The following DPP8 variants were observed in gnomAD, a reference collection of about 807,000 sequenced individuals.
The protein encoded by DPP8 is dipeptidyl peptidase 8.
A neutral mutation model predicts 107.5 loss-of-function variants in DPP8; 31 were observed. The observed-to-expected ratio is 0.29, with a 90% CI of 0.22 to 0.39. The LOEUF is 0.39. DPP8 is among the 10% of genes least tolerant of loss of function. The pLI, the probability that DPP8 is intolerant of heterozygous loss-of-function variation, is 1.00. For synonymous variants in DPP8, 381 were observed against 356.6 expected (o/e 1.07, Z -0.77); for missense variants, 842 against 1,076.1 (o/e 0.78, Z 3.04).
At chr15:65,511,699 C>A (rs1157649099) in intron 2 of DPP8, among the ~76,000 whole-genome samples, 3 of 149,688 alleles carry the variant, frequency 2.0e-5, no homozygotes, top group Non-Finnish European at 4.4e-5. Flanking sequence ...TCTTTAATAT[C>A]TCCATACACA....
At chr15:65,452,384 T>G (rs2064047257) in intron 17 of DPP8, among the ~76,000 whole-genome samples, 1 of 151,974 alleles carries the variant, frequency 6.6e-6, no homozygotes, top group Admixed American at 6.6e-5. Context: ...AAAAGACAAC[T>G]GAACTATATC....
At chr15:65,510,776 T>G (rs993368848) in intron 2 of DPP8, among the ~76,000 whole-genome samples, 1 of 152,184 alleles carries the variant, frequency 6.6e-6, no homozygotes, top group African/African-American at 2.4e-5. Flanking sequence ...TGACCTCAAG[T>G]GATCCGCCAG....
At chr15:65,470,335 G>T (rs1334578507) in intron 12 of DPP8, among the ~76,000 whole-genome samples, 1 of 152,000 alleles carries the variant, frequency 6.6e-6, no homozygotes, top group African/African-American at 2.4e-5. Context: ...GCTGGGCATG[G>T]TGGCTCACGC....
chr15:65,468,537 C>T (rs1461913643), intron 12 of DPP8, among the ~76,000 whole-genome samples: 2 of 151,296 alleles, frequency 1.3e-5, no homozygotes, highest in African/African-American at 2.4e-5. Context: ...GCAATGAAAA[C>T]ACATATAAAT....
Position 65,494,881 on chromosome 15 carries a change from G to C in DPP8, c.715+2983C>G, listed in dbSNP as rs150004565. On this transcript the variant is annotated intron_variant, in intron 5 of 19. Transcript: ENST00000300141. ...TTTAGGCCATATAACTTGGATAACT[G>C]CAACAGTCAAGCTTTGGTGTTCCTG... is the stretch of plus-strand genomic sequence containing the variant. Among the ~76,000 whole-genome samples, 9 of 152,134 alleles carry C rather than the reference G, an allele frequency of 5.9e-5. No homozygotes were observed. In the East Asian group the frequency reaches 1.2e-3, roughly 20 times the overall value.
At chr15:65,450,795 G>A (rs1277608035) in intron 19 of DPP8, 3 of 467,816 alleles carry the variant, frequency 6.4e-6, no homozygotes, top group African/African-American at 2.0e-5. Flanking sequence ...CATGTAATCT[G>A]ATAGGCAGGT....
chr15:65,502,249 GTTAC>G (rs2069327620), intron 3 of DPP8, among the ~76,000 whole-genome samples: 1 of 150,360 alleles, frequency 6.7e-6, no homozygotes, highest in African/African-American at 2.5e-5. Flanking sequence ...GTTACTGTCT[GTTAC>G]TTATTTAACT....
Position 65,448,889 on chromosome 15 carries a change from T to C in DPP8, c.2527-1883A>G, listed in dbSNP as rs1480207990. On this transcript the variant is annotated intron_variant, in intron 19 of 19. Coordinates refer to ENST00000300141, the MANE Select transcript of DPP8 (RefSeq NM_130434.5). ...AAATATATATATATATATATATATATATATATATATATATATATATATATA... is the reference window on the plus strand; with the variant it reads ...AAATATATATATATATATATATATACATATATATATATATATATATATATA... 8.7e-5 allele frequency among the ~76,000 whole-genome samples: 6 copies of C among 68,712 alleles called. 1 individual carries two copies. The highest frequency in any genetic ancestry group is 3.4e-4 in the African/African-American group (6 of 17,808). The allele number at this position is 68,712 out of a possible 152,430, so 45.1% of individuals were successfully genotyped here.
chr15:65,490,992 T>C (rs2067972643), intron 5 of DPP8, among the ~76,000 whole-genome samples: 1 of 151,872 alleles, frequency 6.6e-6, no homozygotes, highest in Non-Finnish European at 1.5e-5. Context: ...ACTCTGTCTC[T>C]ACTAAAAATA....
chr15:65,503,663 C>A (rs1316296787), intron 3 of DPP8, among the ~76,000 whole-genome samples: 1 of 151,970 alleles, frequency 6.6e-6, no homozygotes. Context: ...TGCTCTGTCA[C>A]TCAGGGTAGA....
rs1489862311 is a variant in DPP8, at chr15:65,446,758, T to C, written c.*126A>G. ...GACCCCTGCATGGCACCACATTTAT[T>C]TTCAGGAGTAGATGTTACATGGCAG... On this transcript the variant is annotated 3_prime_UTR_variant, in exon 20 of 20. Transcript: ENST00000300141. 2.1e-6 allele frequency: 2 copies of C among 970,642 alleles called. No individual in the cohort carries two copies. Among genetic ancestry groups the C allele is most frequent in the Non-Finnish European group, 1.5e-6 (1 of 684,660 alleles). The allele number at this position is 970,642 out of a possible 1,614,324, so 60.1% of individuals were successfully genotyped here.
intron 4 of DPP8, among the ~76,000 whole-genome samples, chr15:65,500,295 G>A (rs1187227838): frequency 6.6e-6 from 1 of 151,994 alleles, no homozygotes. Flanking sequence ...GCGCATGCCT[G>A]TAGTCCCAGC....
intron 5 of DPP8, among the ~76,000 whole-genome samples, chr15:65,497,270 T>C (rs1249180398): frequency 6.6e-6 from 1 of 152,154 alleles, no homozygotes; most frequent in East Asian, 1.9e-4. Flanking sequence ...AATGTATTTA[T>C]TTATTTATTT....
Position 65,463,828 on chromosome 15 carries a change from T to C in DPP8, c.1904A>G (p.Tyr635Cys), listed in dbSNP as rs1482370105. 1 of 1,611,068 alleles carries C rather than the reference T, an allele frequency of 6.2e-7. No individual in the cohort carries two copies. The highest frequency in any genetic ancestry group is 1.3e-5 in the African/African-American group (1 of 74,778). ...TCCAGGCTGTAGATCATGAGGCTTG[T>C]AGAGCATCCCATACAATGTAAATCC... Reference protein sequence around the residue: ...TTGFTLYGMLYKPHDLQPGKK... With the variant: ...TTGFTLYGMLCKPHDLQPGKK... Residue 635 changes from tyrosine to cysteine, a missense_variant, in exon 15 of 20, where the codon TAC becomes TGC. Physicochemically the swap from Tyr to Cys is radical, Grantham distance 194 (BLOSUM62 -2). This residue lies in a region of DPP8 where 179 missense variants were observed against 318.0 expected (regional missense o/e 0.56). Coordinates refer to ENST00000300141, the MANE Select transcript of DPP8 (RefSeq NM_130434.5).
At chr15:65,482,641 A>G (rs1350433357) in intron 8 of DPP8, among the ~76,000 whole-genome samples, 2 of 152,220 alleles carry the variant, frequency 1.3e-5, no homozygotes, top group Non-Finnish European at 2.9e-5. Context: ...AAAGTCTAGT[A>G]AACACAATTT....
chr15:65,511,704 TACACACATACATACACACACC>T (rs1183198061), intron 2 of DPP8, among the ~76,000 whole-genome samples: 2 of 146,370 alleles, frequency 1.4e-5, no homozygotes, highest in African/African-American at 5.1e-5. Flanking sequence ...AATATCTCCA[TACACACATACATACACACACC>T]ACACACACAC....
intron 4 of DPP8, among the ~76,000 whole-genome samples, 171 bp from the exon 5 acceptor site, chr15:65,498,203 C>G (rs2068800367): frequency 6.6e-6 from 1 of 152,128 alleles, no homozygotes; most frequent in African/African-American, 2.4e-5. Flanking sequence ...AGGCAGATCA[C>G]CTGAAGTCAG....
intron 11 of DPP8, among the ~76,000 whole-genome samples, chr15:65,475,883 G>C (rs1306404411): frequency 1.3e-5 from 2 of 152,070 alleles, no homozygotes; most frequent in Non-Finnish European, 2.9e-5. Context: ...CAAGTAGCTG[G>C]GACTACAGGC....
rs180806122 is a variant in DPP8, at chr15:65,480,550, T to C, written c.1119-151A>G. 8.2e-4 allele frequency: 431 copies of C among 527,488 alleles called. 2 individuals carry two copies. Among genetic ancestry groups the C allele is most frequent in the East Asian group, 3.9e-3 (132 of 34,060 alleles). The allele number at this position is 527,488 out of a possible 1,614,324, so 32.7% of individuals were successfully genotyped here. Reference sequence around the variant, plus strand: ...ATATTAAATTATCACTTACAAATAGTTAATTAAAAATACACTTTAAGCTTG... The same window carrying C: ...ATATTAAATTATCACTTACAAATAGCTAATTAAAAATACACTTTAAGCTTG... On this transcript the variant is annotated intron_variant, in intron 9 of 19. Transcript: ENST00000300141.
Sources: gnomAD v4.1 joint callset for allele counts (sites outside exome capture counted in the v4.1 genomes callset) on GRCh38, gnomAD v4.1.1 for gene constraint, gnomAD v4.1.1 regional missense constraint, MANE v1.5 for transcripts, NCBI Gene and HGNC (gene_info 2026-07-23, HGNC 2026-07-21) for gene names.